The following ZNF609 variants were observed in gnomAD, a reference collection of about 807,000 sequenced individuals.
ZNF609 encodes zinc finger protein 609.
In ZNF609, 11 loss-of-function variants were observed where a neutral mutation model predicts 109.5. The observed-to-expected ratio is 0.10, with a 90% CI of 0.06 to 0.17. ZNF609 has a LOEUF of 0.17. Ranked by LOEUF, ZNF609 falls within the 10% of genes least tolerant of loss-of-function variation. ZNF609 has a pLI of 1.00. For missense variants in ZNF609, 1,559 were observed against 1,772.4 expected (o/e 0.88, Z 2.16); for synonymous variants, 646 against 662.0 (o/e 0.98, Z 0.37).
At chr15:64,491,328 T>C (rs1260776391) in intron 1 of ZNF609, among the ~76,000 whole-genome samples, 1 of 152,212 alleles carries the variant, frequency 6.6e-6, no homozygotes, top group Non-Finnish European at 1.5e-5. Flanking sequence ...TGAAGCTGGC[T>C]AAGTATGAAT....
At chr15:64,505,952 GCAA>G (rs1317980933) in intron 2 of ZNF609, among the ~76,000 whole-genome samples, 1 of 151,890 alleles carries the variant, frequency 6.6e-6, no homozygotes, top group African/African-American at 2.4e-5. Flanking sequence ...TCCAGCCTGG[GCAA>G]CAGAGTGAGA....
intron 1 of ZNF609, among the ~76,000 whole-genome samples, chr15:64,474,284 G>T (rs1893134787): frequency 6.6e-6 from 1 of 151,328 alleles, no homozygotes; most frequent in African/African-American, 2.4e-5. Context: ...CACAATCTCG[G>T]CTCACTGCAA....
intron 2 of ZNF609, among the ~76,000 whole-genome samples, chr15:64,600,321 GC>G (rs1208505357): frequency 6.6e-6 from 1 of 151,758 alleles, no homozygotes; most frequent in Non-Finnish European, 1.5e-5. Context: ...ATGGTGGCGG[GC>G]ACCTGTAGTC....
chr15:64,621,258 T>C (rs925673776), intron 2 of ZNF609, among the ~76,000 whole-genome samples: 2 of 152,236 alleles, frequency 1.3e-5, no homozygotes, highest in Admixed American at 6.5e-5. Context: ...TCATTCAGGA[T>C]TGGGGCATCA....
rs1896833754 is a variant in ZNF609 at position 64,678,212 on chromosome 15, T to C, written c.3499T>C (p.Leu1167=). 1.9e-6 allele frequency: 3 copies of C among 1,613,978 alleles called. No homozygotes were observed. Among genetic ancestry groups the C allele is most frequent in the Non-Finnish European group, 1.7e-6 (2 of 1,180,004 alleles). The stretch of plus-strand genomic sequence containing the variant: ...GTGGAAGGAGGAGCGGGACCGCAAA[T>C]TGAAGGAGGAAAGGAGTCGGAGTAA... The part of the protein sequence containing the change: ...ERWKEERDRK[L]KEERSRSKDS... Residue 1167 remains leucine (L), a synonymous_variant, in exon 6 of 10, where the codon TTG becomes CTG. Coordinates refer to ENST00000326648, the MANE Select transcript of ZNF609 (RefSeq NM_015042.2).
Sources: allele counts gnomAD v4.1 joint callset (sites outside exome capture counted in the v4.1 genomes callset), GRCh38; gene constraint gnomAD v4.1.1; transcripts MANE v1.5; gene names NCBI Gene and HGNC (gene_info 2026-07-23, HGNC 2026-07-21).